The following CDKAL1 variants were observed in gnomAD, a reference collection of about 807,000 sequenced individuals.
The protein encoded by CDKAL1 is CDKAL1 threonylcarbamoyladenosine tRNA methylthiotransferase.
In CDKAL1, 32 loss-of-function variants were observed where a neutral mutation model predicts 68.2. That is an observed-to-expected ratio of 0.47 (90% CI 0.35 to 0.63). The LOEUF is 0.63. CDKAL1 is among the 30% of genes least tolerant of loss of function. CDKAL1 has a pLI of 0.00. For synonymous variants in CDKAL1, 234 were observed against 244.3 expected, an observed-to-expected ratio of 0.96 and a Z score of 0.39; for missense variants, 606 against 696.7, an observed-to-expected ratio of 0.87 and a Z score of 1.47.
chr6:20,697,558 A>G (rs909063898), intron 5 of CDKAL1, among the ~76,000 whole-genome samples: 17 of 152,208 alleles, frequency 1.1e-4, no homozygotes. Context: ...TTTGAGGTAC[A>G]GACCATTTTA....
intron 11 of CDKAL1, among the ~76,000 whole-genome samples, chr6:21,064,168 G>C (rs572266741): frequency 6.6e-6 from 1 of 152,116 alleles, no homozygotes; most frequent in Admixed American, 6.5e-5. Flanking sequence ...GGTCAGTTGC[G>C]TGGCCTAAGA....
chr6:20,913,971 A>G (rs1762599708), intron 9 of CDKAL1, among the ~76,000 whole-genome samples: 1 of 152,122 alleles, frequency 6.6e-6, no homozygotes, highest in Non-Finnish European at 1.5e-5. Context: ...AGGCTGGGTG[A>G]CAAAACAAGA....
intron 8 of CDKAL1, among the ~76,000 whole-genome samples, chr6:20,789,003 A>C (rs1053746359): frequency 1.3e-5 from 2 of 152,126 alleles, no homozygotes; most frequent in African/African-American, 4.8e-5. Flanking sequence ...TGCAGAAAAA[A>C]TTTTCTGGCT....
chr6:20,585,337 C>A (rs571230296), intron 4 of CDKAL1, among the ~76,000 whole-genome samples: 2 of 152,210 alleles, frequency 1.3e-5, no homozygotes, highest in African/African-American at 4.8e-5. Flanking sequence ...CAGGCGTGAG[C>A]CACTGCGCCC....
chr6:20,943,780 A>AT lies in CDKAL1; in HGVS notation c.743-11628dup, dbSNP rs368038248. 1.1e-3 allele frequency among the ~76,000 whole-genome samples: 155 copies of AT among 143,954 alleles called. 1 individual carries two copies. Among genetic ancestry groups the AT allele is most frequent in the African/African-American group, 2.3e-3 (89 of 39,528 alleles). The allele number at this position is 143,954 out of a possible 152,430, so 94.4% of individuals were successfully genotyped here. A position where few individuals can be genotyped will look rare whatever the true frequency, so the allele number is the denominator to read the frequency against. On this transcript the variant is annotated intron_variant, in intron 9 of 15. Transcript: ENST00000274695. ...TCTGACTGTGTTCCTATTGATTGAT[A>AT]TTTTTTTTTTTCCCTCCTGGTCATA...
At chr6:20,915,301 C>T (rs1006892087) in intron 9 of CDKAL1, among the ~76,000 whole-genome samples, 2 of 152,066 alleles carry the variant, frequency 1.3e-5, no homozygotes, top group Non-Finnish European at 2.9e-5. Context: ...GTTGTTTACA[C>T]ACACACACCC....
chr6:20,557,089 A>AT (rs1403907642), intron 4 of CDKAL1, among the ~76,000 whole-genome samples: 11 of 149,844 alleles, frequency 7.3e-5, no homozygotes, highest in Non-Finnish European at 8.9e-5. Context: ...AAATAAATGA[A>AT]AAATAAATAA....
chr6:20,781,344 T>C lies in CDKAL1; in HGVS notation c.638+79T>C, dbSNP rs1392913663. On this transcript the variant is annotated intron_variant, in intron 8 of 15. Coordinates refer to ENST00000274695, the MANE Select transcript of CDKAL1 (RefSeq NM_017774.3). ...GTTTTTTTTTCTTGGACATGTGACA[T>C]AGAAAAGTAGCTGAACATTTTCTTG... is the stretch of plus-strand genomic sequence containing the variant. The C allele has an allele frequency of 2.1e-5, 26 of 1,242,914 alleles. No individual in the cohort carries two copies. In the Admixed American group the frequency reaches 6.5e-4, roughly 31 times the overall value. 77.0% of individuals were successfully genotyped at this position (1,242,914 alleles called of 1,614,324 possible). A position where few individuals can be genotyped will look rare whatever the true frequency, so the allele number is the denominator to read the frequency against.
intron 13 of CDKAL1, chr6:21,135,772 A>T (rs1405932700): frequency 1.1e-6 from 1 of 886,646 alleles, no homozygotes; most frequent in Non-Finnish European, 1.4e-6. Flanking sequence ...TGCCAGAAAG[A>T]CAGCTTTCAA....
chr6:20,858,931 T>G (rs1759476273), intron 9 of CDKAL1, among the ~76,000 whole-genome samples: 1 of 152,158 alleles, frequency 6.6e-6, no homozygotes, highest in South Asian at 2.1e-4. Context: ...TTTTTGCTAG[T>G]TTAATATTTT....
chr6:20,930,373 C>G (rs775881141), intron 9 of CDKAL1, among the ~76,000 whole-genome samples: 22 of 151,864 alleles, frequency 1.4e-4, no homozygotes, highest in Non-Finnish European at 2.8e-4. Context: ...TTGGGTAGTT[C>G]CCATTTGCAA....
At chr6:21,124,686 T>C (rs1412525667) in intron 13 of CDKAL1, among the ~76,000 whole-genome samples, 7 of 151,420 alleles carry the variant, frequency 4.6e-5, no homozygotes, top group South Asian at 4.2e-4. Flanking sequence ...AGGTCAAATC[T>C]AGATAAATTA....
At chr6:21,052,331 T>G (rs1433360913) in intron 11 of CDKAL1, among the ~76,000 whole-genome samples, 1 of 152,150 alleles carries the variant, frequency 6.6e-6, no homozygotes, top group Non-Finnish European at 1.5e-5. Flanking sequence ...CCTTTTATTT[T>G]GCTGTTTGTC....
chr6:20,596,808 G>A (rs1355629032), intron 4 of CDKAL1, among the ~76,000 whole-genome samples: 1 of 152,196 alleles, frequency 6.6e-6, no homozygotes, highest in Non-Finnish European at 1.5e-5. Flanking sequence ...GAGGGATTGT[G>A]AAGACCATGG....
chr6:20,799,787 T>A (rs1273413196), intron 8 of CDKAL1: 1 of 152,210 alleles, frequency 6.6e-6, no homozygotes, highest in Non-Finnish European at 1.5e-5. Context: ...TTCGTGCACA[T>A]GTGTACACCA....
chr6:21,113,681 C>G (rs1417446024), intron 13 of CDKAL1, among the ~76,000 whole-genome samples: 5 of 151,546 alleles, frequency 3.3e-5, no homozygotes, highest in Admixed American at 2.6e-4. Context: ...GTTGGCCAGG[C>G]CGGTCTCGAA....
At chr6:21,040,519 A>C (rs536363262) in intron 11 of CDKAL1, among the ~76,000 whole-genome samples, 3 of 152,330 alleles carry the variant, frequency 2.0e-5, no homozygotes, top group African/African-American at 7.2e-5. Flanking sequence ...CCAATTAGAT[A>C]CTAGCTACAA....
At chr6:20,800,111 G>A (rs1253723891) in intron 8 of CDKAL1, among the ~76,000 whole-genome samples, 4 of 152,234 alleles carry the variant, frequency 2.6e-5, no homozygotes, top group Admixed American at 6.5e-5. Flanking sequence ...ACCCAGCCCT[G>A]CTGGAACTGC....
intron 7 of CDKAL1, among the ~76,000 whole-genome samples, chr6:20,761,936 G>A (rs1774486699): frequency 6.6e-6 from 1 of 152,142 alleles, no homozygotes; most frequent in Non-Finnish European, 1.5e-5. Context: ...AAAATGATGT[G>A]TCAGTGTAGG....
Sources: allele counts gnomAD v4.1 joint callset (sites outside exome capture counted in the v4.1 genomes callset), GRCh38; gene constraint gnomAD v4.1.1; transcripts MANE v1.5; gene names NCBI Gene and HGNC (gene_info 2026-07-23, HGNC 2026-07-21).